The following SLC52A3 variants were observed in gnomAD, a reference collection of about 807,000 sequenced individuals.
SLC52A3 encodes solute carrier family 52, riboflavin transporter, member 3.
A neutral mutation model predicts 29.5 loss-of-function variants in SLC52A3; 20 were observed. That is an observed-to-expected ratio of 0.68 (90% CI 0.48 to 0.99). SLC52A3 has a LOEUF of 0.99. Among genes scored for constraint, SLC52A3 ranks in the 50% least tolerant of loss-of-function variants. SLC52A3 has a pLI of 0.00. For missense variants in SLC52A3, 548 were observed against 612.9 expected, an observed-to-expected ratio of 0.89 and a Z score of 1.12; for synonymous variants, 301 against 271.0, an observed-to-expected ratio of 1.11 and a Z score of -1.09.
Position 764,535 on chromosome 20 carries a change from T to G in SLC52A3, c.568-532A>C, listed in dbSNP as rs1401999122. Among the ~76,000 whole-genome samples, 3 of 150,912 alleles carry G rather than the reference T, an allele frequency of 2.0e-5. 1 individual carries two copies. The highest frequency in any genetic ancestry group is 4.4e-5 in the Non-Finnish European group (3 of 67,558). On this transcript the variant is annotated intron_variant, in intron 2 of 4. Coordinates refer to ENST00000645534, the MANE Select transcript of SLC52A3 (RefSeq NM_033409.4). The stretch of plus-strand genomic sequence containing the variant: ...CCCACCTAAGGGGAGAGCCCCCACC[T>G]AAGGAAGAACACTGCTCCACCCATC...
Position 761,736 on chromosome 20 carries a change from G to A in SLC52A3, c.1162C>T (p.Leu388Phe). Reference protein sequence around the residue: ...MAMAVMSPCPLLQGHWGGEVL... With the variant: ...MAMAVMSPCPFLQGHWGGEVL... ...TCCCCACCCCAGTGGCCCTGCAAGA[G>A]GGGGCAGGGGCTCATCACCGCCATG... Residue 388 changes from leucine (L) to phenylalanine (F), a missense_variant, in exon 4 of 5, where the codon CTC becomes TTC. Transcript: ENST00000645534. The A allele has an allele frequency of 1.9e-6, 3 of 1,614,110 alleles. No homozygotes were observed. The highest frequency in any genetic ancestry group is 2.2e-5 in the East Asian group (1 of 44,872).
chr20:761,062 C>T lies in SLC52A3; in HGVS notation c.1374G>A (p.Ser458=), dbSNP rs758484328. 29 of 1,609,576 alleles carry T rather than the reference C, an allele frequency of 1.8e-5. No individual in the cohort carries two copies. The highest frequency in any genetic ancestry group is 2.5e-6 in the Non-Finnish European group (3 of 1,178,660). Residue 458 remains serine, a synonymous_variant, in exon 5 of 5, where the codon TCG becomes TCA. Coordinates refer to ENST00000645534, the MANE Select transcript of SLC52A3 (RefSeq NM_033409.4). The stretch of plus-strand genomic sequence containing the variant: ...AGTGCAGATTGCAGAAGTCCGCGGA[C>T]GAGAAGAGCCGCAGCACGTTGACCA... ...FPLVNVLRLF[S]SADFCNLHCP...
chr20:773,649 C>T (rs553554581), intron 1 of SLC52A3, among the ~76,000 whole-genome samples: 3 of 152,290 alleles, frequency 2.0e-5, no homozygotes, highest in African/African-American at 7.2e-5. Context: ...CCCAAGGATC[C>T]AGGACCCCTT....
rs1302772014 is a variant in SLC52A3 at position 763,480 on chromosome 20, G to C, written c.1073+18C>G. On this transcript the variant is annotated intron_variant, in intron 3 of 4. Coordinates refer to ENST00000645534, the MANE Select transcript of SLC52A3 (RefSeq NM_033409.4). Reference sequence around the variant, plus strand: ...GTGTTCCCCCACTAGGATTCCCTAGGACCAGATGAGGGCACACCTGTTAGG... The same window carrying C: ...GTGTTCCCCCACTAGGATTCCCTAGCACCAGATGAGGGCACACCTGTTAGG... The C allele has an allele frequency of 1.9e-6, 3 of 1,613,758 alleles. No homozygotes were observed. Among genetic ancestry groups the C allele is most frequent in the Non-Finnish European group, 2.5e-6 (3 of 1,179,890 alleles).
chr20:776,614 G>C (rs1216186431), upstream of SLC52A3, among the ~76,000 whole-genome samples: 1 of 152,142 alleles, frequency 6.6e-6, no homozygotes, highest in Non-Finnish European at 1.5e-5. Flanking sequence ...GACAAATACT[G>C]TAACCACCTG....
chr20:765,895 CAG>C lies in SLC52A3; in HGVS notation c.-51-72_-51-71del, dbSNP rs1986671264. The C allele has an allele frequency of 2.1e-6, 2 of 969,804 alleles. No individual in the cohort carries two copies. The highest frequency in any genetic ancestry group is 3.2e-6 in the Non-Finnish European group (2 of 630,810). 60.1% of individuals were successfully genotyped at this position (969,804 alleles called of 1,614,324 possible). On this transcript the variant is annotated intron_variant, in intron 1 of 4. Coordinates refer to ENST00000645534, the MANE Select transcript of SLC52A3 (RefSeq NM_033409.4). The surrounding 1 kb of genome is among the most constrained non-coding windows in gnomAD (Gnocchi z 6.6). ...TAGCAAGATGCTGGGACCTGGGGCC[CAG>C]AGTTTTCTCTTATTACTCCCCTTCC...
At chr20:774,739 C>T (rs929299406) in intron 1 of SLC52A3, among the ~76,000 whole-genome samples, 2 of 152,222 alleles carry the variant, frequency 1.3e-5, no homozygotes, top group Admixed American at 6.5e-5. Context: ...CCTCTTGTTG[C>T]TGGGACCTCA....
upstream of SLC52A3, among the ~76,000 whole-genome samples, chr20:777,533 G>T (rs993230569): frequency 1.3e-5 from 2 of 152,154 alleles, no homozygotes; most frequent in African/African-American, 4.8e-5. Context: ...GACTCAAATT[G>T]GTGCCTCCAT....
chr20:763,485 G>GA lies in SLC52A3; in HGVS notation c.1073+12dup, dbSNP rs1986556342. ...CCCCCACTAGGATTCCCTAGGACCA[G>GA]ATGAGGGCACACCTGTTAGGCAGGA... On this transcript the variant is annotated intron_variant, in intron 3 of 4. Coordinates refer to ENST00000645534, the MANE Select transcript of SLC52A3 (RefSeq NM_033409.4). The GA allele has an allele frequency of 6.2e-7, 1 of 1,613,786 alleles. No homozygotes were observed. Among genetic ancestry groups the GA allele is most frequent in the Non-Finnish European group, 8.5e-7 (1 of 1,179,930 alleles).
At chr20:761,575 C>A in intron 4 of SLC52A3, 126 bp downstream of exon 4, 1 of 1,452,532 alleles carries the variant, frequency 6.9e-7, no homozygotes, top group East Asian at 2.4e-5. Context: ...GCTTCCCCCA[C>A]CTGGGGCTTC....
chr20:771,989 T>G (rs4815961), upstream of SLC52A3, among the ~76,000 whole-genome samples: 58,826 of 152,030 alleles, frequency 0.39, 12,910 homozygotes, highest in East Asian at 0.86. Context: ...ATATACCTAG[T>G]AAAGAGGGCT....
Position 765,775 on chromosome 20 carries a change from G to A in SLC52A3, c.-1C>T, listed in dbSNP as rs1986666829. On this transcript the variant is annotated 5_prime_UTR_variant, in exon 2 of 5. Transcript: ENST00000645534. The surrounding 1 kb of genome is among the most constrained non-coding windows in gnomAD (Gnocchi z 6.6). ...CCAGCAGGTGCATCAGGAAGGCCAT[G>A]GCGGTATCTGCCCTGGGCCAGAGGC... The A allele has an allele frequency of 6.3e-7, 1 of 1,598,232 alleles. No homozygotes were observed. Among genetic ancestry groups the A allele is most frequent in the South Asian group, 1.1e-5 (1 of 90,346 alleles).
intron 4 of SLC52A3, 84 bp downstream of exon 4, chr20:761,617 A>T (rs1040592775): frequency 1.3e-6 from 2 of 1,584,052 alleles, no homozygotes; most frequent in African/African-American, 2.7e-5. Context: ...CGCTCGCTGG[A>T]AAGGGCCGCG....
Position 761,036 on chromosome 20 carries a change from C to G in SLC52A3, c.1400G>C (p.Cys467Ser). The G allele has an allele frequency of 6.2e-7, 1 of 1,606,282 alleles. No individual in the cohort carries two copies. Among genetic ancestry groups the G allele is most frequent in the Non-Finnish European group, 8.5e-7 (1 of 1,177,284 alleles). Residue 467 changes from cysteine to serine, a missense_variant, in exon 5 of 5, where the codon TGT (cysteine) becomes TCT (serine). Cys to Ser is a moderately radical substitution (Grantham distance 112). Coordinates refer to ENST00000645534, the MANE Select transcript of SLC52A3 (RefSeq NM_033409.4). ...FSSADFCNLH[C>S]PA The stretch of plus-strand genomic sequence containing the variant: ...GGGTCGGCGGCCTGCCTAGGCTGGA[C>G]AGTGCAGATTGCAGAAGTCCGCGGA...
At chr20:773,603 G>A (rs1986915420) in intron 1 of SLC52A3, among the ~76,000 whole-genome samples, 1 of 152,154 alleles carries the variant, frequency 6.6e-6, no homozygotes, top group Admixed American at 6.5e-5. Flanking sequence ...TACAGGCTCA[G>A]GAGAAGCTGA....
upstream of SLC52A3, among the ~76,000 whole-genome samples, chr20:777,272 C>CCA (rs1555785015): frequency 2.0e-5 from 3 of 147,928 alleles, no homozygotes; most frequent in African/African-American, 7.4e-5. Context: ...AAACAAAAAA[C>CCA]AAAAAAAAAA....
At chr20:762,853 A>T (rs1986536758) in intron 3 of SLC52A3, among the ~76,000 whole-genome samples, 1 of 152,140 alleles carries the variant, frequency 6.6e-6, no homozygotes, top group African/African-American at 2.4e-5. Flanking sequence ...TGTAGGACCC[A>T]CCTCAAATGT....
At position 775,090 on chromosome 20, in the gene SLC52A3, G is replaced by A. The variant is rs564034977; in HGVS notation, c.-238+865C>T. On this transcript the variant is annotated intron_variant, in intron 1 of 5. Transcript: ENST00000217254. ...CTCCTCCCTCCCAAGGCCAGGAAGG[G>A]CTTCAGGCCTCCCATGGGGCTGACC... Among the ~76,000 whole-genome samples the A allele has an allele frequency of 7.9e-5, 12 of 152,248 alleles. No homozygotes were observed. In the East Asian group the frequency reaches 1.9e-3, roughly 25 times the overall value.
Position 775,766 on chromosome 20 carries a change from C to T in SLC52A3, c.-238+189G>A, listed in dbSNP as rs536676596. On this transcript the variant is annotated intron_variant, in intron 1 of 5. Coordinates refer to the SLC52A3 transcript ENST00000217254. ...CAGCTGAGGAGGAAACCTTTCTTCCCTCCTATCTCTTTGGACTCTCCCGAC... is the reference window on the plus strand; with the variant it reads ...CAGCTGAGGAGGAAACCTTTCTTCCTTCCTATCTCTTTGGACTCTCCCGAC... Among the ~76,000 whole-genome samples the T allele has an allele frequency of 5.9e-5, 9 of 152,342 alleles. No individual in the cohort carries two copies. In the East Asian group the frequency reaches 1.7e-3, roughly 29 times the overall value.
Sources: allele counts gnomAD v4.1 joint callset (sites outside exome capture counted in the v4.1 genomes callset), GRCh38; gene constraint gnomAD v4.1.1; non-coding constraint Gnocchi (gnomAD v3.1); transcripts MANE v1.5; gene names NCBI Gene and HGNC (gene_info 2026-07-23, HGNC 2026-07-21).